Variants in ANK3 observed in about 807,000 individuals in gnomAD.
ANK3 encodes ankyrin-3.
In ANK3, 57 loss-of-function variants were observed where a neutral mutation model predicts 370.9. That is an observed-to-expected ratio of 0.15 (90% confidence interval 0.12 to 0.19). ANK3 has a LOEUF of 0.19. Among genes scored for constraint, ANK3 ranks in the 10% least tolerant of loss-of-function variants. ANK3 has a pLI of 1.00. For synonymous variants in ANK3, 1,929 were observed against 1,946.3 expected (o/e 0.99, Z 0.23); for missense variants, 4,439 against 5,302.1 (o/e 0.84, Z 5.06).
Position 60,075,416 on chromosome 10 carries a change from A to G in ANK3, c.5465T>C (p.Val1822Ala), listed in dbSNP as rs990923423. The change falls in exon 37 of 44, where the codon GTG becomes GCG. Residue 1822 changes from valine to alanine, a missense_variant. Physicochemically the swap from Val to Ala is moderately conservative, Grantham distance 64 (BLOSUM62 0). Transcript: ENST00000280772. ...TSSVTSSIIT[V>A]PVYSVVNVLP... Reference sequence around the variant, plus strand: ...AACATTGACTACAGAGTATACTGGCACTGTTATAATTGATGAAGTTACAGA... The same window carrying G: ...AACATTGACTACAGAGTATACTGGCGCTGTTATAATTGATGAAGTTACAGA... 4 of 1,613,486 alleles carry G rather than the reference A, an allele frequency of 2.5e-6. No individual in the cohort carries two copies. The highest frequency in any genetic ancestry group is 2.5e-6 in the Non-Finnish European group (3 of 1,180,008).
chr10:60,193,808 C>G (rs1416964538), intron 16 of ANK3, among the ~76,000 whole-genome samples: 1 of 152,034 alleles, frequency 6.6e-6, no homozygotes, highest in Non-Finnish European at 1.5e-5. Context: ...CTATGAAGGA[C>G]TTGGGGTTAT....
intron 2 of ANK3, among the ~76,000 whole-genome samples, chr10:60,528,134 C>CTTTTTTTTTTTTT (rs35837089): frequency 8.0e-5 from 10 of 124,264 alleles, no homozygotes; most frequent in East Asian, 2.6e-4. Context: ...TTTTCTTCTT[C>CTTTTTTTTTTTTT]TTCTTTTTTT....
Position 60,140,536 on chromosome 10 carries a change from A to G in ANK3, c.2615-1449T>C, listed in dbSNP as rs756720112. 4 of 1,440,694 alleles carry G rather than the reference A, an allele frequency of 2.8e-6. No individual in the cohort carries two copies. The African/African-American group carries it at 4.3e-5, about 16-fold the overall frequency. 89.2% of individuals were successfully genotyped at this position (1,440,694 alleles called of 1,614,324 possible). On this transcript the variant is annotated intron_variant, in intron 23 of 43. Coordinates refer to ENST00000280772, the MANE Select transcript of ANK3 (RefSeq NM_020987.5). ...CAGCATCTTGATATCCTCGTAGGCA[A>G]TTGAGGAATTATACATCTTTCCCCA... is the stretch of plus-strand genomic sequence containing the variant.
In ANK3 at chr10:60,383,660, C is replaced by T. The variant is rs532056448; in HGVS notation, c.114+5765G>A. Among the ~76,000 whole-genome samples the T allele has an allele frequency of 1.1e-4, 16 of 152,136 alleles. No individual in the cohort carries two copies. In the East Asian group the frequency reaches 2.1e-3, roughly 20 times the overall value. On this transcript the variant is annotated intron_variant, in intron 1 of 43. Coordinates refer to ENST00000280772, the MANE Select transcript of ANK3 (RefSeq NM_020987.5). The stretch of plus-strand genomic sequence containing the variant: ...ATTATGGTACAGAATATCAAGTATG[C>T]TAATTGACCATGCTCCCTGGAGACC...
At chr10:60,093,641 G>A (rs1371869290) in intron 28 of ANK3, among the ~76,000 whole-genome samples, 1 of 152,186 alleles carries the variant, frequency 6.6e-6, no homozygotes, top group Non-Finnish European at 1.5e-5. Flanking sequence ...AACGATGACA[G>A]CACTGAATTG....
intron 2 of ANK3, chr10:60,615,141 A>G: frequency 1.6e-6 from 2 of 1,281,482 alleles, no homozygotes; most frequent in Non-Finnish European, 2.1e-6. Context: ...AAACTTGTCC[A>G]CACAAAATAA....
At chr10:60,477,728 A>G (rs1037264054) in intron 2 of ANK3, among the ~76,000 whole-genome samples, 1 of 152,118 alleles carries the variant, frequency 6.6e-6, no homozygotes, top group African/African-American at 2.4e-5. Context: ...GGAAGTTCCC[A>G]CATAAAAATT....
chr10:60,047,921 G>C (rs1309805609), intron 42 of ANK3, among the ~76,000 whole-genome samples: 1 of 152,114 alleles, frequency 6.6e-6, no homozygotes, highest in East Asian at 1.9e-4. Context: ...ATTCATTTAA[G>C]TCCCATGACA....
At position 60,063,105 on chromosome 10, in the gene ANK3, G is replaced by A. The variant is rs749129328; in HGVS notation, c.12595+6C>T. 31 of 1,605,570 alleles carry A rather than the reference G, an allele frequency of 1.9e-5. No homozygotes were observed. Among genetic ancestry groups the A allele is most frequent in the Non-Finnish European group, 9.3e-6 (11 of 1,177,604 alleles). On this transcript the variant is annotated splice_donor_region_variant and intron_variant, in intron 40 of 43. Coordinates refer to ENST00000280772, the MANE Select transcript of ANK3 (RefSeq NM_020987.5). Reference sequence around the variant, plus strand: ...TTAAATAAATATGAACACTAAATTCGATTACCATCAACAGGGTCATGGAAA... The same window carrying A: ...TTAAATAAATATGAACACTAAATTCAATTACCATCAACAGGGTCATGGAAA...
chr10:60,525,493 C>A (rs951491755), intron 2 of ANK3, among the ~76,000 whole-genome samples: 8 of 152,018 alleles, frequency 5.3e-5, no homozygotes. Flanking sequence ...TTAAATAACT[C>A]ATTAGGTGTC....
intron 1 of ANK3, among the ~76,000 whole-genome samples, chr10:60,387,502 A>C (rs932105162): frequency 6.6e-6 from 1 of 152,230 alleles, no homozygotes; most frequent in African/African-American, 2.4e-5. Flanking sequence ...AATACACTGT[A>C]TCTTACAGAA....
chr10:60,155,506 G>C (rs146168059), intron 23 of ANK3, among the ~76,000 whole-genome samples: 78 of 152,332 alleles, frequency 5.1e-4, no homozygotes, highest in African/African-American at 1.7e-3. Context: ...AGGACCCAAG[G>C]AGTGCAGTCC....
intron 1 of ANK3, among the ~76,000 whole-genome samples, chr10:60,386,145 T>C (rs996355439): frequency 2.0e-5 from 3 of 152,058 alleles, no homozygotes; most frequent in Non-Finnish European, 2.9e-5. Flanking sequence ...CTCAGCTACT[T>C]GCTCAGTCAG....
At chr10:60,205,740 AAGGCTATACTCTC>A in intron 11 of ANK3, 39 bp downstream of exon 11, 1 of 1,355,530 alleles carries the variant, frequency 7.4e-7, no homozygotes, top group Admixed American at 1.7e-5. Context: ...TCTGGCTGCT[AAGGCTATACTCTC>A]AGTATCTCAG....
At chr10:60,210,613 T>C (rs1316163850) in intron 9 of ANK3, among the ~76,000 whole-genome samples, 2 of 152,164 alleles carry the variant, frequency 1.3e-5, no homozygotes, top group Admixed American at 6.5e-5. Context: ...AATAGATATA[T>C]GTATCCTTCC....
chr10:60,085,629 T>C (rs1463501339), intron 30 of ANK3, among the ~76,000 whole-genome samples: 2 of 147,064 alleles, frequency 1.4e-5, no homozygotes, highest in East Asian at 3.9e-4. Context: ...TTTTTTTTTT[T>C]TTTGAGACGG....
At chr10:60,515,012 A>G (rs1595184184) in intron 2 of ANK3, among the ~76,000 whole-genome samples, 4 of 152,140 alleles carry the variant, frequency 2.6e-5, no homozygotes, top group African/African-American at 9.7e-5. Context: ...AAATTTACAT[A>G]CACTATTGCC....
At chr10:60,373,292 C>T (rs934125627) in intron 1 of ANK3, among the ~76,000 whole-genome samples, 6 of 152,068 alleles carry the variant, frequency 3.9e-5, no homozygotes, top group Admixed American at 6.6e-5. Flanking sequence ...TTTAAATGTC[C>T]GTCCCTTGGC....
upstream of ANK3, among the ~76,000 whole-genome samples, chr10:60,390,159 G>C (rs997437694): frequency 6.6e-6 from 1 of 152,178 alleles, no homozygotes; most frequent in African/African-American, 2.4e-5. Flanking sequence ...TTGCTATGGA[G>C]ATCCTGACTG....
Sources: allele counts gnomAD v4.1 joint callset (sites outside exome capture counted in the v4.1 genomes callset), GRCh38; gene constraint gnomAD v4.1.1; transcripts MANE v1.5; gene names NCBI Gene and HGNC (gene_info 2026-07-23, HGNC 2026-07-21).